Variants in EBF2 observed in about 807,000 individuals in gnomAD.
EBF2 encodes the protein transcription factor COE2.
Under a neutral mutation model 72.8 loss-of-function variants are expected in EBF2, and 21 were observed. That is an observed-to-expected ratio of 0.29 (90% CI 0.20 to 0.42). EBF2 has a LOEUF of 0.42. Among genes scored for constraint, EBF2 ranks in the 10% least tolerant of loss-of-function variants. The probability of loss-of-function intolerance (pLI) is 1.00; values close to 1 mark genes in which losing one functional copy is unlikely to be tolerated. For synonymous variants in EBF2, 299 were observed against 274.2 expected (o/e 1.09, Z -0.89); for missense variants, 637 against 731.2 (o/e 0.87, Z 1.49).
At chr8:25,907,419 C>CAAAAAAAAAAAAA (rs55695734) in intron 7 of EBF2, among the ~76,000 whole-genome samples, 2 of 28,874 alleles carry the variant, frequency 6.9e-5, no homozygotes, top group Non-Finnish European at 1.3e-4. Context: ...GACCCTGCCT[C>CAAAAAAAAAAAAA]AAAAAAAAAA....
intron 9 of EBF2, 91 bp downstream of exon 9, chr8:25,887,751 C>CT (rs1313197507): frequency 7.3e-7 from 1 of 1,378,894 alleles, no homozygotes; most frequent in Non-Finnish European, 9.5e-7. Context: ...GACTTTTATG[C>CT]TTTTTTACCC....
chr8:25,888,747 A>G (rs1379434138), intron 8 of EBF2, among the ~76,000 whole-genome samples: 1 of 152,222 alleles, frequency 6.6e-6, no homozygotes, highest in Admixed American at 6.5e-5. Context: ...TATGGTTTTC[A>G]GGCCATAACT....
chr8:25,942,784 C>T (rs775780076), intron 6 of EBF2, among the ~76,000 whole-genome samples: 5 of 152,192 alleles, frequency 3.3e-5, no homozygotes, highest in Admixed American at 6.5e-5. Flanking sequence ...CCTGCGGGCT[C>T]GCCTACCTCC....
chr8:25,917,199 GTT>G (rs3034248), intron 6 of EBF2, among the ~76,000 whole-genome samples: 6 of 143,142 alleles, frequency 4.2e-5, no homozygotes, highest in African/African-American at 1.3e-4. Flanking sequence ...GTGGTTTGGG[GTT>G]TTTTTTTTTT....
At chr8:25,973,548 G>A (rs1804223133) in intron 6 of EBF2, among the ~76,000 whole-genome samples, 1 of 152,166 alleles carries the variant, frequency 6.6e-6, no homozygotes, top group Admixed American at 6.5e-5. Context: ...TTTTAAAAAT[G>A]CAAACTACAT....
At chr8:26,038,477 T>C (rs1805542559) in intron 5 of EBF2, among the ~76,000 whole-genome samples, 1 of 152,230 alleles carries the variant, frequency 6.6e-6, no homozygotes, top group Admixed American at 6.5e-5. Flanking sequence ...CAAGTATTAT[T>C]TTAAATGATA....
Position 25,978,522 on chromosome 8 carries a change from A to T in EBF2, c.551+54563T>A, listed in dbSNP as rs1365540293. Among the ~76,000 whole-genome samples, 45 of 152,302 alleles carry T rather than the reference A, an allele frequency of 3.0e-4. 1 individual carries two copies. The highest frequency in any genetic ancestry group is 1.5e-5 in the Non-Finnish European group (1 of 68,016). On this transcript the variant is annotated intron_variant, in intron 6 of 15. Coordinates refer to ENST00000520164, the MANE Select transcript of EBF2 (RefSeq NM_022659.4). Reference sequence around the variant, plus strand: ...TTATCCCATGATGGCGATGAGGGGCATCGCAGCAATGGTCCAAACCAAGCT... The same window carrying T: ...TTATCCCATGATGGCGATGAGGGGCTTCGCAGCAATGGTCCAAACCAAGCT...
At chr8:25,899,629 G>A (rs1802917165) in intron 7 of EBF2, among the ~76,000 whole-genome samples, 1 of 152,128 alleles carries the variant, frequency 6.6e-6, no homozygotes, top group Admixed American at 6.5e-5. Flanking sequence ...AAGAGCTGGG[G>A]GTTTAAAAAT....
At chr8:25,888,819 C>G (rs1483984786) in intron 8 of EBF2, among the ~76,000 whole-genome samples, 1 of 152,120 alleles carries the variant, frequency 6.6e-6, no homozygotes, top group Non-Finnish European at 1.5e-5. Flanking sequence ...AGAACTTTGG[C>G]AGGACTCCAA....
chr8:25,866,872 T>A (rs954243114), intron 10 of EBF2, among the ~76,000 whole-genome samples: 1 of 151,854 alleles, frequency 6.6e-6, no homozygotes, highest in Admixed American at 6.6e-5. Context: ...CCTCAAGTGA[T>A]CCACCCATCT....
At chr8:25,901,181 G>T (rs1802945730) in intron 7 of EBF2, among the ~76,000 whole-genome samples, 3 of 152,102 alleles carry the variant, frequency 2.0e-5, no homozygotes, top group Admixed American at 2.0e-4. Context: ...ATTTTGAGAG[G>T]TTGAGACGGG....
rs112102418 is a variant in EBF2 at position 25,859,192 on chromosome 8, T to C, written c.1343-688A>G. ...TGGTCAAGTTAGGCTGGGCAGATGTTATGCACTGTAGCCATTTCTTGATTC... is the reference window on the plus strand; with the variant it reads ...TGGTCAAGTTAGGCTGGGCAGATGTCATGCACTGTAGCCATTTCTTGATTC... On this transcript the variant is annotated intron_variant, in intron 13 of 15. Coordinates refer to ENST00000520164, the MANE Select transcript of EBF2 (RefSeq NM_022659.4). Among the ~76,000 whole-genome samples the C allele has an allele frequency of 8.8e-3, 1,334 of 152,304 alleles. 21 individuals are homozygous for C. Among genetic ancestry groups the C allele is most frequent in the African/African-American group, 0.031 (1,271 of 41,572 alleles).
rs115427134 is a variant in EBF2, at chr8:25,892,988, A to C, written c.634-3119T>G. ...GGCAAACATTAAGATGGCGGCATCT[A>C]TCACTCCCCGTAAGTGCTCACGTTC... On this transcript the variant is annotated intron_variant, in intron 7 of 15. Transcript: ENST00000520164. Among the ~76,000 whole-genome samples, 1,043 of 152,338 alleles carry C rather than the reference A, an allele frequency of 6.8e-3. 10 individuals carry two copies. Among genetic ancestry groups the C allele is most frequent in the African/African-American group, 0.024 (982 of 41,558 alleles).
rs1392432019 is a variant in EBF2, at chr8:25,843,267, A to C, written c.*1342T>G. ...ATATCCCTCTCCCACATTCCGTCTC[A>C]TTCTTGACTAGAAACTGTCGAGTGG... On this transcript the variant is annotated 3_prime_UTR_variant, in exon 16 of 16. Coordinates refer to ENST00000520164, the MANE Select transcript of EBF2 (RefSeq NM_022659.4). 1 of 152,192 alleles carries C rather than the reference A, an allele frequency of 6.6e-6. No homozygotes were observed. Among genetic ancestry groups the C allele is most frequent in the Non-Finnish European group, 1.5e-5 (1 of 68,040 alleles). 9.4% of individuals were successfully genotyped at this position (152,192 alleles called of 1,614,324 possible). A position where few individuals can be genotyped will look rare whatever the true frequency, so the allele number is the denominator to read the frequency against.
At chr8:26,042,756 AC>A (rs1415256577) in intron 1 of EBF2, among the ~76,000 whole-genome samples, 1 of 152,146 alleles carries the variant, frequency 6.6e-6, no homozygotes, top group Admixed American at 6.5e-5. Context: ...TCAGTCCTGG[AC>A]CCACTGCTCA....
intron 6 of EBF2, among the ~76,000 whole-genome samples, chr8:25,989,179 T>A (rs1804507105): frequency 1.3e-5 from 2 of 152,194 alleles, no homozygotes; most frequent in African/African-American, 4.8e-5. Flanking sequence ...TAAATGCATG[T>A]GAGAATGCTT....
At chr8:25,987,579 T>C (rs543415932) in intron 6 of EBF2, among the ~76,000 whole-genome samples, 3 of 152,196 alleles carry the variant, frequency 2.0e-5, no homozygotes, top group Admixed American at 1.3e-4. Context: ...TCAACAATCA[T>C]GAGTGAGGAT....
intron 6 of EBF2, among the ~76,000 whole-genome samples, chr8:26,030,741 A>G (rs1352314375): frequency 1.3e-5 from 2 of 152,334 alleles, no homozygotes; most frequent in Non-Finnish European, 2.9e-5. Context: ...TGAGGCAGAG[A>G]CATCACTGGG....
At chr8:26,041,087 A>G (rs1805592187) in intron 2 of EBF2, 85 bp from the exon 3 acceptor site, 1 of 1,482,300 alleles carries the variant, frequency 6.7e-7, no homozygotes, top group Non-Finnish European at 9.3e-7. Context: ...CCCACCTCAC[A>G]TCCCTTCTCC....
Sources: gnomAD v4.1 joint callset for allele counts (sites outside exome capture counted in the v4.1 genomes callset) on GRCh38, gnomAD v4.1.1 for gene constraint, MANE v1.5 for transcripts, NCBI Gene and HGNC (gene_info 2026-07-23, HGNC 2026-07-21) for gene names.